ATF6: variants seen among roughly 807,000 people sequenced by gnomAD.
ATF6 encodes activating transcription factor 6.
ATF6 carries 53 observed loss-of-function variants against 83.6 expected under a neutral mutation model. That is an observed-to-expected ratio of 0.63 (90% CI 0.51 to 0.80). The LOEUF (loss-of-function observed/expected upper bound fraction) is 0.80. Among genes scored for constraint, ATF6 ranks in the 30% least tolerant of loss-of-function variants. The pLI, the probability that ATF6 is intolerant of heterozygous loss-of-function variation, is 0.00. For synonymous variants in ATF6, 288 were observed against 285.8 expected, an observed-to-expected ratio of 1.01 and a Z score of -0.08; for missense variants, 744 against 797.9, an observed-to-expected ratio of 0.93 and a Z score of 0.81.
intron 15 of ATF6, among the ~76,000 whole-genome samples, chr1:161,937,968 C>G (rs1688571749): frequency 6.6e-6 from 1 of 152,160 alleles, no homozygotes; most frequent in South Asian, 2.1e-4. Flanking sequence ...AGCTAAAGCC[C>G]TGACAATTGC....
intron 5 of ATF6, 31 bp from the exon 6 acceptor site, chr1:161,792,093 T>C (rs765695613): frequency 6.2e-7 from 1 of 1,601,298 alleles, no homozygotes; most frequent in Non-Finnish European, 8.5e-7. Flanking sequence ...TGCTTTCACA[T>C]TGACTTGTGG....
chr1:161,792,825 G>A (rs1459414706), intron 6 of ATF6, among the ~76,000 whole-genome samples: 1 of 152,102 alleles, frequency 6.6e-6, no homozygotes, highest in African/African-American at 2.4e-5. Flanking sequence ...CTAAGAATTT[G>A]TGTGTTTCGT....
In ATF6 at chr1:161,857,967, C is replaced by T. The variant is rs75985848; in HGVS notation, c.1534-2240C>T. On this transcript the variant is annotated intron_variant, in intron 12 of 15. Coordinates refer to ENST00000367942, the MANE Select transcript of ATF6 (RefSeq NM_007348.4). Reference sequence around the variant, plus strand: ...AAAGAAGTACAGCTAGAGCCAGGCACGGTGGCTTGTGCCTATAATCTCAGC... The same window carrying T: ...AAAGAAGTACAGCTAGAGCCAGGCATGGTGGCTTGTGCCTATAATCTCAGC... Among the ~76,000 whole-genome samples, 242 of 152,172 alleles carry T rather than the reference C, an allele frequency of 1.6e-3. 1 individual carries two copies. The East Asian group carries it at 0.034, about 22-fold the overall frequency.
In ATF6 at chr1:161,868,239, C is replaced by T. The variant is rs758321579; in HGVS notation, c.1719+4927C>T. 7.2e-5 allele frequency among the ~76,000 whole-genome samples: 11 copies of T among 152,130 alleles called. No homozygotes were observed. In the South Asian group the frequency reaches 8.3e-4, roughly 11 times the overall value. ...GGGTAGTTCTGGTCACCATCTCTTA[C>T]GCAGAGAATTACTATGGCAGCTTTG... On this transcript the variant is annotated intron_variant, in intron 14 of 15. Transcript: ENST00000367942.
At chr1:161,923,400 C>T (rs1448979348) in intron 15 of ATF6, among the ~76,000 whole-genome samples, 1 of 152,134 alleles carries the variant, frequency 6.6e-6, no homozygotes, top group East Asian at 1.9e-4. Flanking sequence ...GTTGGCCTTA[C>T]TTCCCTCTTA....
intron 1 of ATF6, among the ~76,000 whole-genome samples, chr1:161,776,032 T>C (rs919467850): frequency 6.6e-6 from 1 of 152,158 alleles, no homozygotes; most frequent in African/African-American, 2.4e-5. Context: ...TACTAATACT[T>C]CTAGTTCTAA....
At chr1:161,853,772 TCTTA>T (rs1326814502) in intron 12 of ATF6, among the ~76,000 whole-genome samples, 1 of 152,196 alleles carries the variant, frequency 6.6e-6, no homozygotes, top group Non-Finnish European at 1.5e-5. Flanking sequence ...TAATGACAGG[TCTTA>T]CTTAGAATCT....
At chr1:161,939,985 C>G (rs1441428137) in intron 15 of ATF6, among the ~76,000 whole-genome samples, 4 of 152,130 alleles carry the variant, frequency 2.6e-5, no homozygotes, top group African/African-American at 9.7e-5. Flanking sequence ...CTAATGTCTC[C>G]CAGATTTGTA....
At chr1:161,839,359 T>G (rs1044722179) in intron 9 of ATF6, among the ~76,000 whole-genome samples, 1 of 152,014 alleles carries the variant, frequency 6.6e-6, no homozygotes, top group Admixed American at 6.6e-5. Flanking sequence ...GTAGTTTTAT[T>G]TACTTATTTT....
intron 15 of ATF6, among the ~76,000 whole-genome samples, chr1:161,924,814 A>T (rs1436232646): frequency 6.6e-6 from 1 of 152,214 alleles, no homozygotes; most frequent in African/African-American, 2.4e-5. Flanking sequence ...ACAAAGAAAG[A>T]TGCATTAATA....
At chr1:161,916,577 A>G (rs758620450) in intron 15 of ATF6, among the ~76,000 whole-genome samples, 15 of 152,188 alleles carry the variant, frequency 9.9e-5, no homozygotes, top group Non-Finnish European at 1.9e-4. Flanking sequence ...CATATATTCA[A>G]ATCTCTCCAT....
chr1:161,793,214 T>C (rs975171101), intron 6 of ATF6, among the ~76,000 whole-genome samples: 1 of 152,198 alleles, frequency 6.6e-6, no homozygotes, highest in Non-Finnish European at 1.5e-5. Context: ...CCAGATACTC[T>C]TTTAGCTTTG....
In ATF6 at chr1:161,866,877, A is replaced by G. The variant is rs1687013401; in HGVS notation, c.1719+3565A>G. Among the ~76,000 whole-genome samples, 6 of 152,334 alleles carry G rather than the reference A, an allele frequency of 3.9e-5. No homozygotes were observed. The South Asian group carries it at 1.0e-3, about 26-fold the overall frequency. ...GTTCTCCTGTGTCAGTCTCCAGAGT[A>G]TCTGGGACTACAGGAGAGTGCCACC... On this transcript the variant is annotated intron_variant, in intron 14 of 15. Transcript: ENST00000367942.
At chr1:161,839,374 T>G (rs1402389652) in intron 9 of ATF6, among the ~76,000 whole-genome samples, 1 of 152,106 alleles carries the variant, frequency 6.6e-6, no homozygotes, top group African/African-American at 2.4e-5. Flanking sequence ...TATTTTTAAT[T>G]TTTTTTGAGG....
intron 15 of ATF6, among the ~76,000 whole-genome samples, chr1:161,951,856 G>A (rs1034802099): frequency 6.6e-6 from 1 of 152,088 alleles, no homozygotes; most frequent in Non-Finnish European, 1.5e-5. Context: ...TGCTGACTAC[G>A]GTTTTGTGGA....
At chr1:161,804,526 G>A (rs568458668) in intron 7 of ATF6, among the ~76,000 whole-genome samples, 1 of 152,064 alleles carries the variant, frequency 6.6e-6, no homozygotes, top group African/African-American at 2.4e-5. Flanking sequence ...TTCCAGGAAA[G>A]GAAGGTTGTT....
rs1485102739 is a variant in ATF6, at chr1:161,960,365, T to C, written c.*1711T>C. 6.6e-6 allele frequency: 1 copy of C among 152,278 alleles called. No individual in the cohort carries two copies. Among genetic ancestry groups the C allele is most frequent in the Non-Finnish European group, 1.5e-5 (1 of 68,048 alleles). 9.4% of individuals were successfully genotyped at this position (152,278 alleles called of 1,614,324 possible). A position where few individuals can be genotyped will look rare whatever the true frequency, so the allele number is the denominator to read the frequency against. On this transcript the variant is annotated 3_prime_UTR_variant, in exon 16 of 16. Coordinates refer to ENST00000367942, the MANE Select transcript of ATF6 (RefSeq NM_007348.4). The stretch of plus-strand genomic sequence containing the variant: ...TTGTTCCACACTATAGCAATCAATT[T>C]CTCTTCTTCCTTACAAGAAAGGGAA...
chr1:161,832,427 G>A (rs189574211), intron 9 of ATF6, among the ~76,000 whole-genome samples: 40 of 152,210 alleles, frequency 2.6e-4, no homozygotes, highest in African/African-American at 9.1e-4. Context: ...TGGGTGCAGC[G>A]CACCGTGCAT....
intron 2 of ATF6, among the ~76,000 whole-genome samples, chr1:161,780,443 G>A (rs1327522685): frequency 2.0e-5 from 3 of 151,134 alleles, no homozygotes; most frequent in East Asian, 3.9e-4. Flanking sequence ...GCGCAATCTC[G>A]GCTCACTGTA....
Sources: gnomAD v4.1 joint callset for allele counts (sites outside exome capture counted in the v4.1 genomes callset) on GRCh38, gnomAD v4.1.1 for gene constraint, MANE v1.5 for transcripts, NCBI Gene and HGNC (gene_info 2026-07-23, HGNC 2026-07-21) for gene names.